Variants in IGF1R observed in about 807,000 individuals in gnomAD.
IGF1R encodes insulin like growth factor 1 receptor, also known as insulin-like growth factor 1 receptor.
IGF1R carries 44 observed loss-of-function variants against 144.6 expected under a neutral mutation model. That is an observed-to-expected ratio of 0.30 (90% CI 0.24 to 0.39). The LOEUF (loss-of-function observed/expected upper bound fraction) is 0.39. IGF1R is among the 10% of genes least tolerant of loss of function. IGF1R has a pLI of 1.00. For synonymous variants in IGF1R, 795 were observed against 722.8 expected (o/e 1.10, Z -1.60); for missense variants, 1,355 against 1,833.7 (o/e 0.74, Z 4.77).
At chr15:98,799,681 A>T (rs951250121) in intron 2 of IGF1R, among the ~76,000 whole-genome samples, 1 of 152,078 alleles carries the variant, frequency 6.6e-6, no homozygotes, top group African/African-American at 2.4e-5. Context: ...TACTTAGCGG[A>T]GGGGAGTGCT....
intron 3 of IGF1R, among the ~76,000 whole-genome samples, chr15:98,894,142 A>G (rs996625058): frequency 2.6e-5 from 4 of 151,948 alleles, no homozygotes; most frequent in African/African-American, 4.8e-5. Context: ...TGGCACAATC[A>G]TAGCTCACTG....
chr15:98,765,983 C>G (rs911921419), intron 2 of IGF1R, among the ~76,000 whole-genome samples: 7 of 152,124 alleles, frequency 4.6e-5, no homozygotes, highest in Non-Finnish European at 1.0e-4. Flanking sequence ...AGTGGTGCAA[C>G]CCCTTACCAA....
chr15:98,877,229 C>A (rs1012462979), intron 2 of IGF1R, among the ~76,000 whole-genome samples: 1 of 152,042 alleles, frequency 6.6e-6, no homozygotes, highest in Non-Finnish European at 1.5e-5. Context: ...CCATCTAAAA[C>A]AAAAGTGTTA....
intron 1 of IGF1R, among the ~76,000 whole-genome samples, chr15:98,681,188 T>G (rs1159535706): frequency 2.0e-5 from 3 of 152,280 alleles, no homozygotes; most frequent in African/African-American, 7.2e-5. Flanking sequence ...AGCACTTTGG[T>G]TATGTTAGGA....
intron 2 of IGF1R, among the ~76,000 whole-genome samples, chr15:98,846,200 A>G (rs2011321077): frequency 6.6e-6 from 1 of 152,172 alleles, no homozygotes; most frequent in Admixed American, 6.5e-5. Flanking sequence ...CCAGTTGCAT[A>G]AGCCTGCATA....
chr15:98,894,368 C>G (rs1168014264), intron 3 of IGF1R, among the ~76,000 whole-genome samples: 1 of 152,188 alleles, frequency 6.6e-6, no homozygotes, highest in African/African-American at 2.4e-5. Flanking sequence ...AATATGTACA[C>G]CATCGTCCAT....
chr15:98,926,932 T>C (rs1046654092), intron 13 of IGF1R, among the ~76,000 whole-genome samples: 1 of 152,202 alleles, frequency 6.6e-6, no homozygotes. Context: ...GCTTGCTTGC[T>C]TTCTATCTTT....
At chr15:98,936,003 T>C (rs1232998456) in intron 17 of IGF1R, among the ~76,000 whole-genome samples, 1 of 152,206 alleles carries the variant, frequency 6.6e-6, no homozygotes, top group Non-Finnish European at 1.5e-5. Context: ...TTCTTGCCCT[T>C]GCATCTGGGA....
intron 2 of IGF1R, among the ~76,000 whole-genome samples, chr15:98,775,182 A>T (rs1328191633): frequency 6.6e-6 from 1 of 152,204 alleles, no homozygotes; most frequent in East Asian, 1.9e-4. Flanking sequence ...CAGCTGGGTC[A>T]GGCCAAGTCC....
chr15:98,699,619 G>A (rs990493620), intron 1 of IGF1R, among the ~76,000 whole-genome samples: 1 of 152,168 alleles, frequency 6.6e-6, no homozygotes, highest in Admixed American at 6.5e-5. Flanking sequence ...AGGGGACACT[G>A]GGGCTTGTGT....
At chr15:98,888,401 A>T (rs908378742) in intron 2 of IGF1R, among the ~76,000 whole-genome samples, 6 of 150,072 alleles carry the variant, frequency 4.0e-5, no homozygotes, top group African/African-American at 1.2e-4. Flanking sequence ...GAAATTATTA[A>T]CTGTCTTCAA....
intron 1 of IGF1R, among the ~76,000 whole-genome samples, chr15:98,699,599 C>T (rs1032106715): frequency 7.9e-5 from 12 of 152,156 alleles, no homozygotes; most frequent in African/African-American, 2.4e-4. Context: ...GCTACAGATG[C>T]TTTCAGTGGA....
At chr15:98,785,712 A>G (rs2141403972) in intron 2 of IGF1R, among the ~76,000 whole-genome samples, 1 of 152,246 alleles carries the variant, frequency 6.6e-6, no homozygotes, top group South Asian at 2.1e-4. Flanking sequence ...TGATTGTGCT[A>G]TTGATGCAAA....
At chr15:98,790,150 G>A (rs2056095972) in intron 2 of IGF1R, among the ~76,000 whole-genome samples, 1 of 152,128 alleles carries the variant, frequency 6.6e-6, no homozygotes, top group Admixed American at 6.5e-5. Flanking sequence ...AGATGGGCTT[G>A]GTCATTGCAG....
At chr15:98,741,790 ATAAATT>A (rs772100373) in intron 2 of IGF1R, among the ~76,000 whole-genome samples, 10 of 152,218 alleles carry the variant, frequency 6.6e-5, no homozygotes, top group Admixed American at 1.3e-4. Flanking sequence ...AAAACTTTTA[ATAAATT>A]TAAAGGCATG....
chr15:98,950,063 A>G (rs973813847), intron 20 of IGF1R, among the ~76,000 whole-genome samples: 2 of 152,214 alleles, frequency 1.3e-5, no homozygotes, highest in African/African-American at 4.8e-5. Context: ...TCCCACTAGT[A>G]TCTCAAGACC....
chr15:98,946,719 G>A (rs1249784737), intron 19 of IGF1R, among the ~76,000 whole-genome samples: 1 of 152,186 alleles, frequency 6.6e-6, no homozygotes, highest in African/African-American at 2.4e-5. Flanking sequence ...GAGTTTGTGG[G>A]TAGCCCAGTA....
chr15:98,723,407 T>G (rs191921815), intron 2 of IGF1R, among the ~76,000 whole-genome samples: 1 of 152,274 alleles, frequency 6.6e-6, no homozygotes, highest in African/African-American at 2.4e-5. Flanking sequence ...AATGGGCAAA[T>G]GAAGGATTTG....
intron 2 of IGF1R, among the ~76,000 whole-genome samples, chr15:98,804,202 A>G (rs944357915): frequency 1.2e-4 from 18 of 152,224 alleles, no homozygotes; most frequent in Admixed American, 1.2e-3. Flanking sequence ...ATGGAAGAAC[A>G]CTGAGGAAAT....
Sources: allele counts gnomAD v4.1 joint callset (sites outside exome capture counted in the v4.1 genomes callset), GRCh38; gene constraint gnomAD v4.1.1; transcripts MANE v1.5; gene names NCBI Gene and HGNC (gene_info 2026-07-23, HGNC 2026-07-21).